SPATA9: variants seen among roughly 807,000 people sequenced by gnomAD.
SPATA9 encodes spermatogenesis associated 9.
In SPATA9, 27 loss-of-function variants were observed where a neutral mutation model predicts 25.5. The observed-to-expected ratio is 1.06, with a 90% confidence interval of 0.78 to 1.46. SPATA9 has a LOEUF of 1.46. Ranked by LOEUF, SPATA9 falls within the 40% of genes most tolerant of loss-of-function variation. The pLI is 0.00. For synonymous variants in SPATA9, 102 were observed against 105.7 expected, an observed-to-expected ratio of 0.97 and a Z score of 0.21; for missense variants, 282 against 297.5, an observed-to-expected ratio of 0.95 and a Z score of 0.38.
chr5:95,681,786 T>A (rs190913079), intron 2 of SPATA9, among the ~76,000 whole-genome samples: 1 of 152,326 alleles, frequency 6.6e-6, no homozygotes, highest in African/African-American at 2.4e-5. Context: ...ACTGCCAGGT[T>A]TTGGTTATAT....
chr5:95,698,973 G>C (rs1754110246), upstream of SPATA9, among the ~76,000 whole-genome samples: 1 of 152,122 alleles, frequency 6.6e-6, no homozygotes, highest in Non-Finnish European at 1.5e-5. Flanking sequence ...GGTGGGAGTG[G>C]AGCACTATGA....
At chr5:95,679,794 C>G (rs1753269574) in intron 2 of SPATA9, among the ~76,000 whole-genome samples, 1 of 152,236 alleles carries the variant, frequency 6.6e-6, no homozygotes, top group Non-Finnish European at 1.5e-5. Flanking sequence ...GGAGTCCATT[C>G]TACAAGTCCC....
At chr5:95,715,987 C>A in the SPATA9 span, among the ~76,000 whole-genome samples, 1 of 152,120 alleles carries the variant, frequency 6.6e-6, no homozygotes, top group African/African-American at 2.4e-5. Context: ...CAAGGAAATG[C>A]AAATGAAAAT....
At chr5:95,731,675 T>A in the SPATA9 span, 9 of 1,613,336 alleles carry the variant, frequency 5.6e-6, no homozygotes, top group African/African-American at 1.2e-4. Flanking sequence ...GCCCTTGGAT[T>A]TGAGATCATG....
downstream of SPATA9, chr5:95,657,440 A>G (rs148407553): frequency 1.2e-3 from 176 of 151,438 alleles, 3 homozygotes; most frequent in Middle Eastern, 0.01. Flanking sequence ...ATGTGGGACC[A>G]GAAATAGCTA....
At chr5:95,691,759 C>T (rs911366942) in intron 1 of SPATA9, among the ~76,000 whole-genome samples, 4 of 152,142 alleles carry the variant, frequency 2.6e-5, no homozygotes, top group Non-Finnish European at 5.9e-5. Context: ...AGCAGGATCA[C>T]CTATGTTGTT....
At chr5:95,695,553 G>A (rs1015299592) in intron 1 of SPATA9, among the ~76,000 whole-genome samples, 34 of 152,132 alleles carry the variant, frequency 2.2e-4, no homozygotes, top group African/African-American at 7.7e-4. Flanking sequence ...AGCTGAGATT[G>A]CGCCACTGCA....
At chr5:95,700,442 G>A (rs1004005873), upstream of SPATA9, among the ~76,000 whole-genome samples, 16 of 152,146 alleles carry the variant, frequency 1.1e-4, no homozygotes, top group African/African-American at 3.9e-4. Context: ...TGGGATTACA[G>A]GCACGCGCCA....
the SPATA9 span, chr5:95,731,088 C>T: frequency 1.8e-6 from 2 of 1,089,876 alleles, no homozygotes; most frequent in Non-Finnish European, 2.3e-6. Flanking sequence ...GGCGGATTGG[C>T]GGCTGGGAGC....
chr5:95,686,977 A>G (rs1753763936), upstream of SPATA9, among the ~76,000 whole-genome samples: 1 of 152,220 alleles, frequency 6.6e-6, no homozygotes, highest in South Asian at 2.1e-4. Context: ...AAGGGAAAAG[A>G]GGCATTCTCT....
the SPATA9 span, among the ~76,000 whole-genome samples, chr5:95,719,931 C>T: frequency 1.1e-4 from 17 of 152,294 alleles, no homozygotes; most frequent in South Asian, 3.5e-3. Context: ...ATCAAAATGA[C>T]CTGTACTCCA....
the SPATA9 span, chr5:95,719,860 T>C: frequency 6.6e-6 from 1 of 152,234 alleles, no homozygotes; most frequent in South Asian, 2.1e-4. Context: ...TATCTCTCTG[T>C]GATAACTCGG....
chr5:95,673,319 C>T (rs566709300), intron 3 of SPATA9, among the ~76,000 whole-genome samples: 16 of 152,214 alleles, frequency 1.1e-4, no homozygotes, highest in Admixed American at 9.8e-4. Context: ...CTGGCTGATG[C>T]TTTTGCTGTG....
chr5:95,678,834 C>T (rs1324899435), intron 2 of SPATA9, among the ~76,000 whole-genome samples: 1 of 152,200 alleles, frequency 6.6e-6, no homozygotes, highest in Non-Finnish European at 1.5e-5. Context: ...GGGTAAATAA[C>T]TTCAAACATG....
chr5:95,654,795 A>G (rs1750629428), downstream of SPATA9, among the ~76,000 whole-genome samples: 1 of 152,178 alleles, frequency 6.6e-6, no homozygotes, highest in African/African-American at 2.4e-5. Flanking sequence ...ACGTCATAGG[A>G]TGATAATAGT....
intron 4 of SPATA9, among the ~76,000 whole-genome samples, chr5:95,663,663 T>G (rs1041520814): frequency 2.0e-5 from 3 of 152,114 alleles, no homozygotes; most frequent in African/African-American, 4.8e-5. Flanking sequence ...GTACAATGGC[T>G]GAAAAAAACA....
At chr5:95,654,618 A>C (rs187707305), downstream of SPATA9, among the ~76,000 whole-genome samples, 42 of 152,322 alleles carry the variant, frequency 2.8e-4, no homozygotes, top group Middle Eastern at 3.4e-3. Context: ...ATTTATTATA[A>C]TGAATAATTG....
At chr5:95,708,159 T>C in the SPATA9 span, among the ~76,000 whole-genome samples, 2 of 152,180 alleles carry the variant, frequency 1.3e-5, no homozygotes, top group Non-Finnish European at 2.9e-5. Context: ...TTGGTGCCTA[T>C]CTAGATTTTC....
At chr5:95,676,970 A>G (rs1752996935) in intron 2 of SPATA9, among the ~76,000 whole-genome samples, 1 of 152,096 alleles carries the variant, frequency 6.6e-6, no homozygotes, top group Admixed American at 6.5e-5. Flanking sequence ...CGAAGTTTTT[A>G]GGTGTCTGGG....
Sources: gnomAD v4.1 joint callset for allele counts (sites outside exome capture counted in the v4.1 genomes callset) on GRCh38, gnomAD v4.1.1 for gene constraint, MANE v1.5 for transcripts, NCBI Gene and HGNC (gene_info 2026-07-23, HGNC 2026-07-21) for gene names.